The following RUNDC1 variants were observed in gnomAD, a reference collection of about 807,000 sequenced individuals.
RUNDC1 encodes RUN domain containing 1.
In RUNDC1, 31 loss-of-function variants were observed where a neutral mutation model predicts 49.3. The observed-to-expected ratio is 0.63, with a 90% CI of 0.47 to 0.85. The LOEUF (loss-of-function observed/expected upper bound fraction) is 0.85. Ranked by LOEUF, RUNDC1 falls within the 40% of genes least tolerant of loss-of-function variation. The pLI is 0.00. For missense variants in RUNDC1, 715 were observed against 806.7 expected (o/e 0.89, Z 1.38); for synonymous variants, 347 against 348.6 (o/e 1.00, Z 0.05).
intron 1 of RUNDC1, among the ~76,000 whole-genome samples, chr17:42,986,646 C>A (rs966158647): frequency 6.6e-6 from 1 of 152,022 alleles, no homozygotes; most frequent in Non-Finnish European, 1.5e-5. Context: ...TACAGGCGCC[C>A]GCCACCACAC....
intron 1 of RUNDC1, among the ~76,000 whole-genome samples, chr17:42,986,570 T>C (rs1047802035): frequency 1.3e-5 from 2 of 151,994 alleles, no homozygotes; most frequent in Non-Finnish European, 2.9e-5. Context: ...CGATCTCTGC[T>C]CACTGCAAGC....
intron 3 of RUNDC1, among the ~76,000 whole-genome samples, chr17:42,989,877 C>T (rs1208736900): frequency 6.6e-6 from 1 of 152,076 alleles, no homozygotes; most frequent in Non-Finnish European, 1.5e-5. Flanking sequence ...TCAAGTGATC[C>T]GCCTGCCTCA....
chr17:42,988,077 A>G (rs1200301829), intron 2 of RUNDC1, among the ~76,000 whole-genome samples: 1 of 151,492 alleles, frequency 6.6e-6, no homozygotes, highest in Admixed American at 6.6e-5. Flanking sequence ...CCTACTACTC[A>G]CTACCTTTTG....
Position 42,991,408 on chromosome 17 carries a change from C to T in RUNDC1, c.1534C>T (p.Pro512Ser). 6.2e-7 allele frequency: 1 copy of T among 1,614,206 alleles called. No individual in the cohort carries two copies. Among genetic ancestry groups the T allele is most frequent in the Middle Eastern group, 1.6e-4 (1 of 6,062 alleles). Residue 512 changes from proline to serine, a missense_variant, in exon 5 of 5, where the codon CCC becomes TCC. This residue lies in a region of RUNDC1 where 425 missense variants were observed against 499.7 expected (regional missense o/e 0.85). Coordinates refer to ENST00000361677, the MANE Select transcript of RUNDC1 (RefSeq NM_173079.5). ...TGTTACGGGAGGCACTGTTGTCACC[C>T]CCAAACAGAGCCTACTGACAGCCAT... Reference protein sequence around the residue: ...LPVTGGTVVTPKQSLLTAIHM... With the variant: ...LPVTGGTVVTSKQSLLTAIHM...
intron 1 of RUNDC1, among the ~76,000 whole-genome samples, chr17:42,983,352 A>G (rs976594021): frequency 5.4e-5 from 8 of 147,898 alleles, no homozygotes; most frequent in African/African-American, 2.0e-4. Context: ...ACTTCTTACC[A>G]CTTACCTTTT....
Position 42,991,003 on chromosome 17 carries a change from G to T in RUNDC1, c.1129G>T (p.Asp377Tyr), listed in dbSNP as rs1165566728. 1 of 1,614,190 alleles carries T rather than the reference G, an allele frequency of 6.2e-7. No individual in the cohort carries two copies. The highest frequency in any genetic ancestry group is 2.2e-5 in the East Asian group (1 of 44,884). The change falls in exon 5 of 5, where the codon GAC (aspartate) becomes TAC (tyrosine). Residue 377 changes from aspartate to tyrosine, a missense_variant. Physicochemically the swap from Asp to Tyr is radical, Grantham distance 160. Coordinates refer to ENST00000361677, the MANE Select transcript of RUNDC1 (RefSeq NM_173079.5). Reference sequence around the variant, plus strand: ...GTGGCAGAGGGTCCAGGCTGACAGAGACTACTCTCCCTTGCTGAAGAGGCT... The same window carrying T: ...GTGGCAGAGGGTCCAGGCTGACAGATACTACTCTCCCTTGCTGAAGAGGCT... ...TLWQRVQADR[D>Y]YSPLLKRLEV...
rs189003204 is a variant in RUNDC1, at chr17:42,983,204, A to G, written c.498+2130A>G. 5.2e-3 allele frequency among the ~76,000 whole-genome samples: 505 copies of G among 96,344 alleles called. 2 individuals are homozygous for G. Among genetic ancestry groups the G allele is most frequent in the African/African-American group, 0.019 (471 of 25,024 alleles). The allele number at this position is 96,344 out of a possible 152,430, so 63.2% of individuals were successfully genotyped here. A position where few individuals can be genotyped will look rare whatever the true frequency, so the allele number is the denominator to read the frequency against. Reference sequence around the variant, plus strand: ...CTCAAAAAAAAAAGGCAAAAGAAACATTGTACCACCTTAAAAAAAAAAAAA... The same window carrying G: ...CTCAAAAAAAAAAGGCAAAAGAAACGTTGTACCACCTTAAAAAAAAAAAAA... On this transcript the variant is annotated intron_variant, in intron 1 of 4. Transcript: ENST00000361677.
At chr17:42,989,314 T>G in intron 2 of RUNDC1, 27 bp from the exon 3 acceptor site, 1 of 1,583,618 alleles carries the variant, frequency 6.3e-7, no homozygotes, top group East Asian at 2.2e-5. Flanking sequence ...TTCCAAAGGG[T>G]GTGCTCATTG....
chr17:42,989,190 T>G, intron 2 of RUNDC1, 151 bp from the exon 3 acceptor site: 1 of 623,890 alleles, frequency 1.6e-6, no homozygotes, highest in Admixed American at 2.7e-5. Flanking sequence ...GTCCTCACCT[T>G]GATCAATCAG....
At chr17:42,983,165 G>A (rs988950815) in intron 1 of RUNDC1, among the ~76,000 whole-genome samples, 1 of 142,058 alleles carries the variant, frequency 7.0e-6, no homozygotes, top group African/African-American at 2.6e-5. Flanking sequence ...CTGAGTAACA[G>A]AGCAAGACCC....
At chr17:42,987,833 G>A (rs1483138689) in intron 2 of RUNDC1, among the ~76,000 whole-genome samples, 1 of 151,946 alleles carries the variant, frequency 6.6e-6, no homozygotes, top group Non-Finnish European at 1.5e-5. Flanking sequence ...GCTCAACACA[G>A]CCTCTGCCTC....
rs2050262179 is a variant in RUNDC1 at position 42,992,798 on chromosome 17, C to G, written c.*1082C>G. On this transcript the variant is annotated 3_prime_UTR_variant, in exon 5 of 5. Transcript: ENST00000361677. The stretch of plus-strand genomic sequence containing the variant: ...AAACAGCATTTCTAAGGGTGGTAAC[C>G]ACAGGTCGATTTTAATACGAGTCCT... 1 of 152,048 alleles carries G rather than the reference C, an allele frequency of 6.6e-6. No individual in the cohort carries two copies. Among genetic ancestry groups the G allele is most frequent in the African/African-American group, 2.4e-5 (1 of 41,402 alleles). 9.4% of individuals were successfully genotyped at this position (152,048 alleles called of 1,614,324 possible). A position where few individuals can be genotyped will look rare whatever the true frequency, so the allele number is the denominator to read the frequency against.
In RUNDC1 at chr17:42,980,605, C is replaced by G. The variant is rs201536677; in HGVS notation, c.29C>G (p.Pro10Arg). 3.7e-6 allele frequency: 6 copies of G among 1,609,474 alleles called. No individual in the cohort carries two copies. The highest frequency in any genetic ancestry group is 2.7e-5 in the African/African-American group (2 of 74,800). MAAVEAAAE[P>R]VTVVAAVGPK... is the part of the protein sequence containing the mutation. Reference sequence around the variant, plus strand: ...GCGGCTGTCGAAGCGGCTGCAGAGCCGGTAACGGTGGTGGCGGCTGTTGGG... The same window carrying G: ...GCGGCTGTCGAAGCGGCTGCAGAGCGGGTAACGGTGGTGGCGGCTGTTGGG... Residue 10 changes from proline (P) to arginine (R), a missense_variant, in exon 1 of 5, where the codon CCG (proline) becomes CGG (arginine). By Grantham distance (103) the Pro-to-Arg change is moderately radical. Coordinates refer to ENST00000361677, the MANE Select transcript of RUNDC1 (RefSeq NM_173079.5).
intron 1 of RUNDC1, chr17:42,981,415 A>T (rs2151955333): frequency 3.6e-6 from 1 of 278,304 alleles, no homozygotes; most frequent in South Asian, 1.2e-4. Context: ...CACGTATCTC[A>T]GTCTTGAACA....
At chr17:42,986,410 C>T (rs1158954937) in intron 1 of RUNDC1, among the ~76,000 whole-genome samples, 1 of 152,110 alleles carries the variant, frequency 6.6e-6, no homozygotes, top group Non-Finnish European at 1.5e-5. Context: ...AGACACCACT[C>T]CTGGTGCGTT....
chr17:42,980,593 C>A lies in RUNDC1; in HGVS notation c.17C>A (p.Ala6Glu), dbSNP rs199576891. ...TCCGGGAAGATGGCGGCTGTCGAAGCGGCTGCAGAGCCGGTAACGGTGGTG... is the reference window on the plus strand; with the variant it reads ...TCCGGGAAGATGGCGGCTGTCGAAGAGGCTGCAGAGCCGGTAACGGTGGTG... MAAVE[A>E]AAEPVTVVAA... The change falls in exon 1 of 5, where the codon GCG (alanine) becomes GAG (glutamate). Residue 6 changes from alanine (A) to glutamate (E), a missense_variant. Coordinates refer to ENST00000361677, the MANE Select transcript of RUNDC1 (RefSeq NM_173079.5). 5.0e-6 allele frequency: 8 copies of A among 1,609,360 alleles called. No homozygotes were observed. In the African/African-American group the frequency reaches 6.7e-5, roughly 13 times the overall value.
At chr17:42,981,170 C>CT in intron 1 of RUNDC1, 96 bp downstream of exon 1, 1 of 1,406,262 alleles carries the variant, frequency 7.1e-7, no homozygotes, top group South Asian at 1.4e-5. Context: ...GGGGAGAAGC[C>CT]TCCCCGACTC....
intron 2 of RUNDC1, 26 bp downstream of exon 2, chr17:42,987,440 A>G (rs1438238727): frequency 1.2e-6 from 2 of 1,610,896 alleles, no homozygotes; most frequent in Admixed American, 1.7e-5. Context: ...AGGAACCTCC[A>G]CCACTGCCCG....
At position 42,993,560 on chromosome 17, in the gene RUNDC1, A is replaced by T. The variant is rs1210356466; in HGVS notation, c.*1844A>T. 1 of 152,216 alleles carries T rather than the reference A, an allele frequency of 6.6e-6. No individual in the cohort carries two copies. Among genetic ancestry groups the T allele is most frequent in the Non-Finnish European group, 1.5e-5 (1 of 68,036 alleles). The allele number at this position is 152,216 out of a possible 1,614,324, so 9.4% of individuals were successfully genotyped here. A position where few individuals can be genotyped will look rare whatever the true frequency, so the allele number is the denominator to read the frequency against. ...TAAAATGTTGTGGAAAATGATACAT[A>T]TGTGGATGCTAATGAAATCATAGTA... On this transcript the variant is annotated 3_prime_UTR_variant, in exon 5 of 5. Transcript: ENST00000361677.
Sources: gnomAD v4.1 joint callset for allele counts (sites outside exome capture counted in the v4.1 genomes callset) on GRCh38, gnomAD v4.1.1 for gene constraint, gnomAD v4.1.1 regional missense constraint, MANE v1.5 for transcripts, NCBI Gene and HGNC (gene_info 2026-07-23, HGNC 2026-07-21) for gene names.